The following LY9 variants were observed in gnomAD, a reference collection of about 807,000 sequenced individuals.
LY9 encodes the protein lymphocyte antigen 9, also known as T-lymphocyte surface antigen Ly-9.
In LY9, 59 loss-of-function variants were observed where a neutral mutation model predicts 64.6. That is an observed-to-expected ratio of 0.91 (90% CI 0.74 to 1.13). The LOEUF is 1.13. Ranked by LOEUF, LY9 falls within the 50% of genes most tolerant of loss-of-function variation. The pLI is 0.00. For missense variants in LY9, 789 were observed against 797.2 expected, an observed-to-expected ratio of 0.99 and a Z score of 0.12; for synonymous variants, 281 against 308.5, an observed-to-expected ratio of 0.91 and a Z score of 0.93.
intron 2 of LY9, chr1:160,802,851 A>T (rs1031367216): frequency 5.2e-6 from 1 of 194,026 alleles, no homozygotes. Context: ...CTATTTTTAT[A>T]ACACCATGCT....
Position 160,813,636 on chromosome 1 carries a change from A to G in LY9, c.455A>G (p.Glu152Gly), listed in dbSNP as rs1355622179. The change falls in exon 3 of 10, where the codon GAG becomes GGG. Residue 152 changes from glutamate to glycine, a missense_variant and splice_region_variant. Glu to Gly is a moderately conservative substitution (Grantham distance 98). Coordinates refer to ENST00000263285, the MANE Select transcript of LY9 (RefSeq NM_002348.4). The stretch of plus-strand genomic sequence containing the variant: ...TCTTCCCATGCTGTTGTCCCTGCAG[A>G]GCAGCTGCAGGAGCCCCAAGTCACC... ...TEEEFTLFVYEQLQEPQVTMK... is the reference protein window; with the variant it reads ...TEEEFTLFVYGQLQEPQVTMK... The G allele has an allele frequency of 1.2e-6, 2 of 1,612,730 alleles. 1 individual carries two copies. The highest frequency in any genetic ancestry group is 3.3e-4 in the Middle Eastern group (2 of 6,060).
chr1:160,800,416 T>G lies in LY9; in HGVS notation c.454+334T>G, dbSNP rs576845294. Among the ~76,000 whole-genome samples, 12 of 152,264 alleles carry G rather than the reference T, an allele frequency of 7.9e-5. No individual in the cohort carries two copies. The South Asian group carries it at 2.5e-3, about 32-fold the overall frequency. ...CATCCACTTCCACATGATCAAAATT[T>G]TTAGTACCAACATATAAGTGAGAAC... On this transcript the variant is annotated intron_variant, in intron 2 of 9. Coordinates refer to ENST00000263285, the MANE Select transcript of LY9 (RefSeq NM_002348.4).
rs759898098 is a variant in LY9 at position 160,813,828 on chromosome 1, C to A, written c.647C>A (p.Pro216Gln). ...ILTVSRTPCD[P>Q]DLPYICTAQN... The stretch of plus-strand genomic sequence containing the variant: ...ACCGTCTCCCGAACACCATGTGACC[C>A]AGACCTGCCATACATCTGCACAGCC... The change falls in exon 3 of 10, where the codon CCA becomes CAA. Residue 216 changes from proline to glutamine, a missense_variant. Pro to Gln is a moderately conservative substitution (Grantham distance 76). Transcript: ENST00000263285. 1.1e-5 allele frequency: 18 copies of A among 1,614,064 alleles called. No homozygotes were observed. Among genetic ancestry groups the A allele is most frequent in the Non-Finnish European group, 1.4e-5 (17 of 1,180,038 alleles).
Position 160,823,696 on chromosome 1 carries a change from C to T in LY9, c.1730C>T (p.Pro577Leu), listed in dbSNP as rs750084866. The change falls in exon 8 of 10, where the codon CCT becomes CTT. Residue 577 changes from proline (P) to leucine (L), a missense_variant. Physicochemically the swap from Pro to Leu is moderately conservative, Grantham distance 98. Transcript: ENST00000263285. ...TQEGAGHDPA[P>L]EGQADYDPVT... ...GAGGGCGCTGGACATGACCCAGCCCCTGAGGGCCAAGCAGACTATGATCCC... is the reference window on the plus strand; with the variant it reads ...GAGGGCGCTGGACATGACCCAGCCCTTGAGGGCCAAGCAGACTATGATCCC... 24 of 1,614,038 alleles carry T rather than the reference C, an allele frequency of 1.5e-5. No homozygotes were observed. The highest frequency in any genetic ancestry group is 4.0e-5 in the African/African-American group (3 of 74,920).
intron 2 of LY9, chr1:160,801,927 C>T: frequency 6.2e-7 from 1 of 1,612,346 alleles, no homozygotes. Context: ...GGCCCTCGCC[C>T]CCACCTGCCA....
At chr1:160,807,577 G>A (rs577186216) in intron 2 of LY9, among the ~76,000 whole-genome samples, 1 of 152,322 alleles carries the variant, frequency 6.6e-6, no homozygotes, top group African/African-American at 2.4e-5. Flanking sequence ...GCAGTGGACT[G>A]AAGGGTGGTG....
chr1:160,816,500 C>G, intron 4 of LY9, 94 bp from the exon 5 acceptor site: 1 of 1,406,424 alleles, frequency 7.1e-7, no homozygotes. Context: ...AGTATCAACA[C>G]TCAGCTTCAT....
intron 9 of LY9, among the ~76,000 whole-genome samples, chr1:160,825,839 G>A (rs1289798346): frequency 6.6e-6 from 1 of 152,116 alleles, no homozygotes; most frequent in African/African-American, 2.4e-5. Flanking sequence ...GAACCCAGGA[G>A]GTGGAGGTTG....
At chr1:160,807,083 T>G (rs1207320611) in intron 2 of LY9, among the ~76,000 whole-genome samples, 1 of 152,240 alleles carries the variant, frequency 6.6e-6, no homozygotes, top group Non-Finnish European at 1.5e-5. Flanking sequence ...CTATTCATTC[T>G]GTTTTTTAAA....
intron 2 of LY9, among the ~76,000 whole-genome samples, chr1:160,803,174 C>T (rs534981933): frequency 1.3e-5 from 2 of 152,004 alleles, no homozygotes; most frequent in South Asian, 2.1e-4. Context: ...CCCAGCTACT[C>T]GGAAGTCTGA....
chr1:160,814,569 G>A lies in LY9; in HGVS notation c.880G>A (p.Glu294Lys), dbSNP rs545428121. 5 of 1,614,136 alleles carry A rather than the reference G, an allele frequency of 3.1e-6. No homozygotes were observed. The highest frequency in any genetic ancestry group is 2.2e-5 in the South Asian group (2 of 91,080). Residue 294 changes from glutamate to lysine, a missense_variant, in exon 4 of 10, where the codon GAA becomes AAA. By Grantham distance (56) the Glu-to-Lys change is moderately conservative. Coordinates refer to ENST00000263285, the MANE Select transcript of LY9 (RefSeq NM_002348.4). ...CACATCCATCATTAGCAAAGAGAGGGAAGAAGCAGCAACGGCAGATCCACT... is the reference window on the plus strand; with the variant it reads ...CACATCCATCATTAGCAAAGAGAGGAAAGAAGCAGCAACGGCAGATCCACT... Reference protein sequence around the residue: ...FNTSIISKEREEAATADPLIK... With the variant: ...FNTSIISKERKEAATADPLIK...
chr1:160,816,478 C>T (rs921960965), intron 4 of LY9, 116 bp from the exon 5 acceptor site: 8 of 1,206,312 alleles, frequency 6.6e-6, no homozygotes, highest in Non-Finnish European at 8.0e-6. Flanking sequence ...CTCCTGGAGG[C>T]ACTTTGCCGG....
intron 7 of LY9, among the ~76,000 whole-genome samples, chr1:160,821,933 A>T (rs941019130): frequency 4.6e-5 from 7 of 152,202 alleles, no homozygotes; most frequent in Non-Finnish European, 1.0e-4. Context: ...TACGTGCCCG[A>T]GTTTCCTCAT....
intron 2 of LY9, 148 bp downstream of exon 2, chr1:160,800,230 A>G (rs1054833325): frequency 2.3e-5 from 14 of 621,120 alleles, no homozygotes; most frequent in African/African-American, 2.0e-4. Flanking sequence ...AGTACAATAT[A>G]TTCCTGTTAA....
chr1:160,827,765 A>G lies in LY9; in HGVS notation c.1917A>G (p.Gln639=), dbSNP rs748569089. The change falls in exon 10 of 10, where the codon CAA becomes CAG. Residue 639 remains glutamine, a synonymous_variant. Coordinates refer to ENST00000263285, the MANE Select transcript of LY9 (RefSeq NM_002348.4). ...IRKPQVVPPP[Q]QNDLEIPESP... is the part of the protein sequence containing the mutation. ...GCTCACAGGTGGTGCCACCACCACA[A>G]CAGAATGATCTTGAGATTCCTGAAA... 1.9e-6 allele frequency: 3 copies of G among 1,610,800 alleles called. No individual in the cohort carries two copies. The highest frequency in any genetic ancestry group is 1.7e-5 in the Admixed American group (1 of 59,552).
Position 160,816,605 on chromosome 1 carries a change from A to C in LY9, c.1084A>C (p.Lys362Gln), listed in dbSNP as rs764310282. Residue 362 changes from lysine to glutamine, a missense_variant, in exon 5 of 10, where the codon AAG (lysine) becomes CAG (glutamine). Transcript: ENST00000263285. ...CTCTCTCCTCACAGGCAGGCTGAGGAAGCCCAAAATCACGTGGAGCCTCAG... is the reference window on the plus strand; with the variant it reads ...CTCTCTCCTCACAGGCAGGCTGAGGCAGCCCAAAATCACGTGGAGCCTCAG... ...VTLLIYRRLRKPKITWSLRHS... is the reference protein window; with the variant it reads ...VTLLIYRRLRQPKITWSLRHS... The C allele has an allele frequency of 1.9e-6, 3 of 1,602,214 alleles. No homozygotes were observed. Among genetic ancestry groups the C allele is most frequent in the Non-Finnish European group, 2.6e-6 (3 of 1,173,710 alleles).
chr1:160,816,201 C>G (rs527253), intron 4 of LY9, among the ~76,000 whole-genome samples: 47,168 of 152,134 alleles, frequency 0.31, 7,435 homozygotes, highest in South Asian at 0.42. Context: ...CTCTCTGCAT[C>G]CCTTATCTCA....
intron 7 of LY9, among the ~76,000 whole-genome samples, chr1:160,821,151 T>TAAAAAAAAAAAAAAAAAAAAAAAAA (rs373539992): frequency 9.5e-6 from 1 of 105,094 alleles, no homozygotes; most frequent in Non-Finnish European, 1.8e-5. Context: ...GAAACTTTGC[T>TAAAAAAAAAAAAAAAAAAAAAAAAA]AAAAAAAAAA....
intron 3 of LY9, 46 bp downstream of exon 3, chr1:160,813,957 T>G (rs562128639): frequency 6.3e-7 from 1 of 1,580,172 alleles, no homozygotes; most frequent in South Asian, 1.2e-5. Flanking sequence ...AGAAACAATA[T>G]GAGCAGCTGT....
Sources: gnomAD v4.1 joint callset for allele counts (sites outside exome capture counted in the v4.1 genomes callset) on GRCh38, gnomAD v4.1.1 for gene constraint, MANE v1.5 for transcripts, NCBI Gene and HGNC (gene_info 2026-07-23, HGNC 2026-07-21) for gene names.